The following FOXM1 variants were observed in gnomAD, a reference collection of about 807,000 sequenced individuals.
FOXM1 encodes the protein forkhead box protein M1.
FOXM1 carries 25 observed loss-of-function variants against 63.6 expected under a neutral mutation model. The ratio of observed to expected loss-of-function variants is 0.39; its 90% CI spans 0.29 to 0.55. FOXM1 has a LOEUF of 0.55. FOXM1 is among the 20% of genes least tolerant of loss of function. FOXM1 has a pLI of 0.60. For missense variants in FOXM1, 879 were observed against 958.7 expected, an observed-to-expected ratio of 0.92 and a Z score of 1.10; for synonymous variants, 387 against 376.9, an observed-to-expected ratio of 1.03 and a Z score of -0.31.
At chr12:2,861,379 T>G (rs1480799671) in intron 8 of FOXM1, 1 of 702,666 alleles carries the variant, frequency 1.4e-6, no homozygotes, top group African/African-American at 1.8e-5. Context: ...AAGAACTTAC[T>G]CATGTAACCA....
At position 2,864,445 on chromosome 12, in the gene FOXM1, T is replaced by A. The variant is rs758522391; in HGVS notation, c.1141A>T (p.Ile381Phe). The change falls in exon 8 of 9, where the codon ATC becomes TTC. Residue 381 changes from isoleucine to phenylalanine, a missense_variant. By Grantham distance (21) the Ile-to-Phe change is conservative. Coordinates refer to ENST00000359843, the MANE Select transcript of FOXM1 (RefSeq NM_021953.4). The surrounding 1 kb of genome is among the most constrained non-coding windows in gnomAD (Gnocchi z 5.1). ...AGTGACTGGTTCACCGGGAACTGGA[T>A]AGGTACCAGGTATGAGCTGACCCGT... ...LPRVSSYLVPIQFPVNQSLVL... is the reference protein window; with the variant it reads ...LPRVSSYLVPFQFPVNQSLVL... 1 of 1,614,158 alleles carries A rather than the reference T, an allele frequency of 6.2e-7. No individual in the cohort carries two copies. The highest frequency in any genetic ancestry group is 1.1e-5 in the South Asian group (1 of 91,092).
chr12:2,862,047 C>T (rs2907506), intron 8 of FOXM1, among the ~76,000 whole-genome samples: 6,050 of 152,084 alleles, frequency 0.04, 206 homozygotes, highest in East Asian at 0.11. Context: ...GGCGTGGTGA[C>T]GTGCGCCTGT....
rs1603500779 is a variant in FOXM1 at position 2,866,643 on chromosome 12, T to C, written c.847-122A>G. ...TGTGCTCAGCACAGGCTTCGTCTGG[T>C]GTCTTTGCAGCCCTCTTGGCAACTC... On this transcript the variant is annotated intron_variant, in intron 4 of 8. Coordinates refer to ENST00000359843, the MANE Select transcript of FOXM1 (RefSeq NM_021953.4). 2.8e-6 allele frequency: 3 copies of C among 1,054,128 alleles called. No individual in the cohort carries two copies. The South Asian group carries it at 6.7e-5, about 24-fold the overall frequency. The allele number at this position is 1,054,128 out of a possible 1,614,324, so 65.3% of individuals were successfully genotyped here. A position where few individuals can be genotyped will look rare whatever the true frequency, so the allele number is the denominator to read the frequency against.
In FOXM1 at chr12:2,872,305, T is replaced by G. The variant is rs2098134526; in HGVS notation, c.503-58A>C. 2.5e-6 allele frequency: 4 copies of G among 1,589,556 alleles called. No homozygotes were observed. On this transcript the variant is annotated intron_variant, in intron 2 of 8. Transcript: ENST00000359843. The surrounding 1 kb of genome is among the most constrained non-coding windows in gnomAD (Gnocchi z 4.0). ...CTGCCTCATCAGATGCCCAGGTGTG[T>G]CCATCAGAATTGGTGGCTAGCAGGC...
At chr12:2,871,324 A>T (rs1396062922) in intron 3 of FOXM1, among the ~76,000 whole-genome samples, 1 of 152,204 alleles carries the variant, frequency 6.6e-6, no homozygotes, top group East Asian at 1.9e-4. Flanking sequence ...ATTGGGTTAG[A>T]TCAATTTTGA....
rs1343861899 is a variant in FOXM1 at position 2,868,731 on chromosome 12, T to G, written c.678A>C (p.Ser226=). The G allele has an allele frequency of 6.2e-7, 1 of 1,613,402 alleles. No homozygotes were observed. Among genetic ancestry groups the G allele is most frequent in the Non-Finnish European group, 8.5e-7 (1 of 1,179,682 alleles). ...CAGACACAGAGTTCTGCCAGGACGC[T>G]GATGGTCTCGAAGGCTCCTCAACCT... ...QVKVEEPSRP[S]ASWQNSVSER... The change falls in exon 4 of 9, where the codon TCA becomes TCC. Residue 226 remains serine, a synonymous_variant. Transcript: ENST00000359843.
intron 5 of FOXM1, 40 bp downstream of exon 5, chr12:2,866,352 CT>C (rs1458928893): frequency 1.4e-6 from 2 of 1,398,218 alleles, no homozygotes; most frequent in Non-Finnish European, 1.9e-6. Context: ...CTATGACAAC[CT>C]CCAACTTAGG....
In FOXM1 at chr12:2,868,656, G is replaced by A. The variant is rs770734471; in HGVS notation, c.753C>T (p.Ser251=). The part of the protein sequence containing the change: ...YMAMIQFAIN[S]TERKRMTLKD... ...TCAAAGTCATGCGCTTCCTCTCAGT[G>A]CTGTTGATGGCGAATTGTATCATGG... The change falls in exon 4 of 9, where the codon AGC becomes AGT. Residue 251 remains serine, a synonymous_variant. Transcript: ENST00000359843. 6 of 1,613,830 alleles carry A rather than the reference G, an allele frequency of 3.7e-6. No homozygotes were observed. In the South Asian group the frequency reaches 6.6e-5, roughly 18 times the overall value.
chr12:2,860,833 T>C (rs1472856683), intron 8 of FOXM1, among the ~76,000 whole-genome samples: 1 of 141,670 alleles, frequency 7.1e-6, no homozygotes, highest in African/African-American at 2.7e-5. Flanking sequence ...CCACTGTACT[T>C]CAGCCTGGGT....
At chr12:2,870,300 G>A (rs886978041) in intron 3 of FOXM1, among the ~76,000 whole-genome samples, 1 of 152,170 alleles carries the variant, frequency 6.6e-6, no homozygotes, top group African/African-American at 2.4e-5. Flanking sequence ...AAAGATTGTT[G>A]AGCTGGAGGC....
Position 2,864,710 on chromosome 12 carries a change from T to C in FOXM1, c.1063A>G (p.Ile355Val), listed in dbSNP as rs1211277689. ...GCGCCCAGGGGGAGTTCGGTTTTGA[T>C]GGTCATGTTCCGGCGGAGCTCTGGA... Reference protein sequence around the residue: ...PNPELRRNMTIKTELPLGARR... With the variant: ...PNPELRRNMTVKTELPLGARR... The change falls in exon 7 of 9, where the codon ATC becomes GTC. Residue 355 changes from isoleucine to valine, a missense_variant. Ile to Val is a conservative substitution (Grantham distance 29). Transcript: ENST00000359843. The surrounding 1 kb of genome is among the most constrained non-coding windows in gnomAD (Gnocchi z 5.1). 6.2e-7 allele frequency: 1 copy of C among 1,614,160 alleles called. No homozygotes were observed. The highest frequency in any genetic ancestry group is 8.5e-7 in the Non-Finnish European group (1 of 1,180,038).
chr12:2,871,642 A>G (rs1004895706), intron 3 of FOXM1, among the ~76,000 whole-genome samples: 5 of 150,974 alleles, frequency 3.3e-5, no homozygotes, highest in African/African-American at 1.2e-4. Flanking sequence ...ACAGAGCAAG[A>G]CGCTGTCTTA....
rs2098127765 is a variant in FOXM1 at position 2,868,635 on chromosome 12, A to G, written c.774T>C (p.Thr258=). 4 of 1,614,044 alleles carry G rather than the reference A, an allele frequency of 2.5e-6. No individual in the cohort carries two copies. The highest frequency in any genetic ancestry group is 1.6e-4 in the Middle Eastern group (1 of 6,062). The change falls in exon 4 of 9, where the codon ACT becomes ACC. Residue 258 remains threonine (T), a synonymous_variant. Coordinates refer to ENST00000359843, the MANE Select transcript of FOXM1 (RefSeq NM_021953.4). ...CAATCCACGTATAGATGTCTTTCAA[A>G]GTCATGCGCTTCCTCTCAGTGCTGT... The part of the protein sequence containing the change: ...AINSTERKRM[T]LKDIYTWIED...
rs1362480875 is a variant in FOXM1, at chr12:2,859,304, G to GCTCCTCTCC, written c.1617_1625dup (p.Arg539_Arg541dup). On this transcript the variant is annotated inframe_insertion, in exon 9 of 9. Transcript: ENST00000359843. ...GTAGATGCTGTTTTCTCCGAGACCG[G>GCTCCTCTCC]CTCCTCTCCCTCCTCTCCCTGTGTT... 4.3e-6 allele frequency: 7 copies of GCTCCTCTCC among 1,613,258 alleles called. No individual in the cohort carries two copies. The highest frequency in any genetic ancestry group is 3.3e-5 in the Admixed American group (2 of 59,990).
chr12:2,866,202 C>T (rs987316380), intron 5 of FOXM1, among the ~76,000 whole-genome samples, 191 bp downstream of exon 5: 1 of 152,160 alleles, frequency 6.6e-6, no homozygotes, highest in African/African-American at 2.4e-5. Context: ...TGGTCTGGCA[C>T]AAAAATGTGT....
chr12:2,868,368 G>A (rs1049410523), intron 4 of FOXM1, 195 bp downstream of exon 4: 7 of 470,176 alleles, frequency 1.5e-5, no homozygotes, highest in Non-Finnish European at 1.9e-5. Flanking sequence ...AGTAACACAT[G>A]AAGTAGTTAA....
In FOXM1 at chr12:2,858,474, C is replaced by T. The variant is rs1056939722; in HGVS notation, c.*164G>A. ...ACTCTTGGGGAACACAAGGTCCCAG[C>T]AGTGGCTAGGGTGTGACTGCTACTT... On this transcript the variant is annotated 3_prime_UTR_variant, in exon 9 of 9. Coordinates refer to ENST00000359843, the MANE Select transcript of FOXM1 (RefSeq NM_021953.4). 2 of 609,076 alleles carry T rather than the reference C, an allele frequency of 3.3e-6. No individual in the cohort carries two copies. Among genetic ancestry groups the T allele is most frequent in the Non-Finnish European group, 2.9e-6 (1 of 350,570 alleles). 37.7% of individuals were successfully genotyped at this position (609,076 alleles called of 1,614,324 possible).
In FOXM1 at chr12:2,859,681, AT is replaced by A; in HGVS notation, c.1267-19del. On this transcript the variant is annotated intron_variant, in intron 8 of 8. Transcript: ENST00000359843. Reference sequence around the variant, plus strand: ...AGCAGCACCTGAAAGGGAAACAGAGATAAGGTGAACCAACGGTCACCAGACA... The same window carrying A: ...AGCAGCACCTGAAAGGGAAACAGAGAAAGGTGAACCAACGGTCACCAGACA... The A allele has an allele frequency of 6.3e-7, 1 of 1,584,392 alleles. No homozygotes were observed. The highest frequency in any genetic ancestry group is 1.7e-5 in the Admixed American group (1 of 57,888).
intron 4 of FOXM1, among the ~76,000 whole-genome samples, chr12:2,867,378 G>A (rs1055190062): frequency 3.3e-5 from 5 of 151,864 alleles, no homozygotes; most frequent in African/African-American, 4.8e-5. Flanking sequence ...GAGGAGGGAA[G>A]AGCTTGAGCC....
Sources: gnomAD v4.1 joint callset for allele counts (sites outside exome capture counted in the v4.1 genomes callset) on GRCh38, gnomAD v4.1.1 for gene constraint, Gnocchi (gnomAD v3.1) non-coding constraint, MANE v1.5 for transcripts, NCBI Gene and HGNC (gene_info 2026-07-23, HGNC 2026-07-21) for gene names.